The following ASTN2 variants were observed in gnomAD, a reference collection of about 807,000 sequenced individuals.
ASTN2 encodes the protein astrotactin 2.
ASTN2 carries 54 observed loss-of-function variants against 139.8 expected under a neutral mutation model. The ratio of observed to expected loss-of-function variants is 0.39; its 90% CI spans 0.31 to 0.48. ASTN2 has a LOEUF of 0.48. Ranked by LOEUF, ASTN2 falls within the 20% of genes least tolerant of loss-of-function variation. ASTN2 has a pLI of 0.95. For missense variants in ASTN2, 1,565 were observed against 1,725.1 expected, an observed-to-expected ratio of 0.91 and a Z score of 1.64; for synonymous variants, 756 against 719.5, an observed-to-expected ratio of 1.05 and a Z score of -0.81.
chr9:116,522,166 T>C (rs1850904474), intron 19 of ASTN2, among the ~76,000 whole-genome samples: 1 of 152,170 alleles, frequency 6.6e-6, no homozygotes, highest in South Asian at 2.1e-4. Flanking sequence ...CTACTAGGTA[T>C]ATATCTAGAG....
At chr9:117,021,386 C>A (rs1031639460) in intron 6 of ASTN2, among the ~76,000 whole-genome samples, 2 of 152,128 alleles carry the variant, frequency 1.3e-5, no homozygotes, top group African/African-American at 2.4e-5. Flanking sequence ...TGGAAGAGCA[C>A]AGCTAAATAG....
chr9:116,714,374 A>G (rs1331721535), intron 16 of ASTN2, among the ~76,000 whole-genome samples: 1 of 152,218 alleles, frequency 6.6e-6, no homozygotes, highest in Non-Finnish European at 1.5e-5. Flanking sequence ...AAAAGGCTGT[A>G]TCATTATGCC....
At position 117,214,756 on chromosome 9, in the gene ASTN2, G is replaced by A; in HGVS notation, c.631-14C>T. On this transcript the variant is annotated splice_polypyrimidine_tract_variant and intron_variant, in intron 2 of 22. Coordinates refer to ENST00000313400, the MANE Select transcript of ASTN2 (RefSeq NM_001365068.1). ...GATGAGGCCACCCTGGAGCAGGAAGGAAGGACACACAAATGGGCCACTGTT... is the reference window on the plus strand; with the variant it reads ...GATGAGGCCACCCTGGAGCAGGAAGAAAGGACACACAAATGGGCCACTGTT... 2 of 1,472,752 alleles carry A rather than the reference G, an allele frequency of 1.4e-6. No homozygotes were observed. Among genetic ancestry groups the A allele is most frequent in the Non-Finnish European group, 1.8e-6 (2 of 1,111,900 alleles). The allele number at this position is 1,472,752 out of a possible 1,614,324, so 91.2% of individuals were successfully genotyped here.
intron 1 of ASTN2, among the ~76,000 whole-genome samples, chr9:117,298,825 G>A (rs913642847): frequency 6.6e-6 from 1 of 151,588 alleles, no homozygotes; most frequent in Admixed American, 6.6e-5. Context: ...GTAGCCTGGT[G>A]CCTGGTACAG....
intron 17 of ASTN2, among the ~76,000 whole-genome samples, chr9:116,645,157 T>G (rs374482211): frequency 6.6e-6 from 1 of 152,138 alleles, no homozygotes; most frequent in African/African-American, 2.4e-5. Flanking sequence ...TCTGTCTGGC[T>G]CTTTAGTATG....
chr9:117,388,091 C>T (rs529531814), intron 1 of ASTN2, among the ~76,000 whole-genome samples: 102 of 152,294 alleles, frequency 6.7e-4, no homozygotes, highest in Non-Finnish European at 1.4e-3. Context: ...GTTTTTACAG[C>T]ACTCTTCACA....
intron 10 of ASTN2, among the ~76,000 whole-genome samples, chr9:116,890,351 T>C (rs1334615171): frequency 1.3e-5 from 2 of 152,208 alleles, no homozygotes; most frequent in Admixed American, 1.3e-4. Context: ...ATCGGCTGCC[T>C]GGCACTCACA....
intron 19 of ASTN2, among the ~76,000 whole-genome samples, chr9:116,609,379 GTATATATATATATA>G (rs56938236): frequency 2.6e-5 from 3 of 116,724 alleles, no homozygotes; most frequent in South Asian, 2.7e-4. Flanking sequence ...ATATATGGGT[GTATATATATATATA>G]TATATATATA....
chr9:117,202,703 A>C (rs1831766150), intron 3 of ASTN2, among the ~76,000 whole-genome samples: 1 of 152,110 alleles, frequency 6.6e-6, no homozygotes, highest in East Asian at 1.9e-4. Context: ...TGAGAGGCCC[A>C]CTGTTATTCT....
chr9:116,630,145 T>C (rs73528746), intron 17 of ASTN2, among the ~76,000 whole-genome samples: 2 of 152,188 alleles, frequency 1.3e-5, no homozygotes, highest in East Asian at 3.8e-4. Context: ...AGCAACACCA[T>C]GAATTTGATA....
At chr9:116,667,822 C>T (rs147551624) in intron 16 of ASTN2, among the ~76,000 whole-genome samples, 2 of 148,336 alleles carry the variant, frequency 1.3e-5, no homozygotes, top group East Asian at 2.0e-4. Flanking sequence ...TTCATGCCCC[C>T]CCACCCACCC....
intron 19 of ASTN2, among the ~76,000 whole-genome samples, chr9:116,578,618 A>ACGCGCG (rs149967114): frequency 0.022 from 2,132 of 98,602 alleles, 62 homozygotes; most frequent in African/African-American, 0.075. Context: ...TCTGGCTCCA[A>ACGCGCG]CGTGTGTGTG....
chr9:116,769,705 T>C (rs1829905342), intron 13 of ASTN2, among the ~76,000 whole-genome samples: 1 of 152,112 alleles, frequency 6.6e-6, no homozygotes, highest in African/African-American at 2.4e-5. Context: ...AGTCTGAAAG[T>C]TATGCTCTTT....
At chr9:116,523,305 T>G (rs897665234) in intron 19 of ASTN2, among the ~76,000 whole-genome samples, 41 of 152,020 alleles carry the variant, frequency 2.7e-4, no homozygotes, top group African/African-American at 9.4e-4. Flanking sequence ...AACTCGAACT[T>G]GCTCTGGAGA....
intron 1 of ASTN2, among the ~76,000 whole-genome samples, chr9:117,356,270 G>T (rs985620556): frequency 6.6e-6 from 1 of 152,160 alleles, no homozygotes; most frequent in Non-Finnish European, 1.5e-5. Context: ...AATATGCAGG[G>T]GGTTAGACTT....
At chr9:116,584,120 G>A (rs1293602070) in intron 19 of ASTN2, 2 of 152,182 alleles carry the variant, frequency 1.3e-5, no homozygotes, top group Non-Finnish European at 2.9e-5. Context: ...TAACCCAGTT[G>A]CTGAGATTAA....
At chr9:116,488,251 TAAA>T (rs1403805165) in intron 19 of ASTN2, among the ~76,000 whole-genome samples, 4 of 152,170 alleles carry the variant, frequency 2.6e-5, no homozygotes, top group Admixed American at 6.5e-5. Context: ...ACAGAACTAA[TAAA>T]GAAGTCTAGG....
At chr9:116,426,220 G>T (rs960763073) in intron 22 of ASTN2, 132 bp from the exon 23 acceptor site, 3 of 1,127,554 alleles carry the variant, frequency 2.7e-6, no homozygotes, top group Admixed American at 4.6e-5. Flanking sequence ...TTGGAGTGTG[G>T]TACTTCAAAC....
intron 10 of ASTN2, among the ~76,000 whole-genome samples, chr9:116,942,113 C>T (rs1373242302): frequency 3.2e-5 from 3 of 92,404 alleles, no homozygotes; most frequent in Non-Finnish European, 6.2e-5. Flanking sequence ...CACACACACA[C>T]ACCACACACA....
Sources: allele counts gnomAD v4.1 joint callset (sites outside exome capture counted in the v4.1 genomes callset), GRCh38; gene constraint gnomAD v4.1.1; transcripts MANE v1.5; gene names NCBI Gene and HGNC (gene_info 2026-07-23, HGNC 2026-07-21).